The following ZFHX3 variants were observed in gnomAD, a reference collection of about 807,000 sequenced individuals.
ZFHX3 encodes the protein zinc finger homeobox protein 3.
ZFHX3 carries 42 observed loss-of-function variants against 279.1 expected under a neutral mutation model. The observed-to-expected ratio is 0.15, with a 90% CI of 0.12 to 0.19. The LOEUF is 0.19. ZFHX3 is among the 10% of genes least tolerant of loss of function. The pLI, the probability that ZFHX3 is intolerant of heterozygous loss-of-function variation, is 1.00. For missense variants in ZFHX3, 4,981 were observed against 4,754.0 expected, an observed-to-expected ratio of 1.05 and a Z score of -1.40; for synonymous variants, 2,293 against 1,957.8, an observed-to-expected ratio of 1.17 and a Z score of -4.52.
intron 3 of ZFHX3, among the ~76,000 whole-genome samples, chr16:73,339,051 G>C (rs1354347785): frequency 6.6e-6 from 1 of 152,184 alleles, no homozygotes; most frequent in African/African-American, 2.4e-5. Context: ...TTCATGTACA[G>C]CCTGCAGAAC....
chr16:73,621,684 A>C (rs568125091), intron 2 of ZFHX3, among the ~76,000 whole-genome samples: 40 of 152,332 alleles, frequency 2.6e-4, no homozygotes, highest in Non-Finnish European at 5.1e-4. Context: ...AGGAGTCTGC[A>C]TAATTCTCAA....
At chr16:73,078,940 G>A (rs140504661) in intron 8 of ZFHX3, among the ~76,000 whole-genome samples, 6 of 152,124 alleles carry the variant, frequency 3.9e-5, no homozygotes, top group East Asian at 1.9e-4. Context: ...CACCGCGCCC[G>A]GCCCCTTTGT....
chr16:73,308,224 C>CATATATATATAT (rs56199536), intron 4 of ZFHX3, among the ~76,000 whole-genome samples: 4 of 108,692 alleles, frequency 3.7e-5, no homozygotes, highest in African/African-American at 8.2e-5. Context: ...CATATGCATG[C>CATATATATATAT]ATATATATAT....
intron 3 of ZFHX3, among the ~76,000 whole-genome samples, chr16:73,406,198 C>T (rs1597322159): frequency 6.6e-6 from 1 of 152,234 alleles, no homozygotes; most frequent in Non-Finnish European, 1.5e-5. Flanking sequence ...ATGTTGGCAC[C>T]AGGAGCTGTT....
intron 4 of ZFHX3, among the ~76,000 whole-genome samples, chr16:73,299,185 A>G (rs1169702004): frequency 1.3e-5 from 2 of 152,214 alleles, no homozygotes; most frequent in Non-Finnish European, 2.9e-5. Flanking sequence ...AGTACAATCT[A>G]TACATTTGAA....
At chr16:73,251,777 ACAAACGCACACAC>A in intron 5 of ZFHX3, among the ~76,000 whole-genome samples, 1 of 145,806 alleles carries the variant, frequency 6.9e-6, no homozygotes, top group African/African-American at 2.5e-5. Context: ...CACCATGCAC[ACAAACGCACACAC>A]CATGCACACA....
intron 2 of ZFHX3, among the ~76,000 whole-genome samples, chr16:73,542,459 C>T (rs184146795): frequency 1.4e-4 from 21 of 152,178 alleles, no homozygotes; most frequent in Non-Finnish European, 2.2e-4. Context: ...GGAGTTTATA[C>T]GTCCAGGTGG....
In ZFHX3 at chr16:73,293,547, T is replaced by G. The variant is rs926533935; in HGVS notation, c.-1194+24693A>C. 3.3e-5 allele frequency among the ~76,000 whole-genome samples: 5 copies of G among 152,286 alleles called. No homozygotes were observed. In the East Asian group the frequency reaches 9.6e-4, roughly 29 times the overall value. Reference sequence around the variant, plus strand: ...TTCTGCTATTGGTGCATGAAGACAATAGTGAGAAGATTCCCCCATGGATCT... The same window carrying G: ...TTCTGCTATTGGTGCATGAAGACAAGAGTGAGAAGATTCCCCCATGGATCT... On this transcript the variant is annotated intron_variant, in intron 4 of 17. Coordinates refer to the ZFHX3 transcript ENST00000641206.
intron 3 of ZFHX3, among the ~76,000 whole-genome samples, chr16:72,937,319 CA>C (rs1158993923): frequency 1.3e-5 from 2 of 152,106 alleles, no homozygotes; most frequent in African/African-American, 4.8e-5. Flanking sequence ...AGCCTGGGGG[CA>C]TAATAACACT....
intron 3 of ZFHX3, among the ~76,000 whole-genome samples, chr16:72,898,311 T>C (rs1268845461): frequency 1.3e-5 from 2 of 152,164 alleles, no homozygotes; most frequent in African/African-American, 2.4e-5. Flanking sequence ...ATCAATCCAT[T>C]TGGGTTGCTC....
chr16:73,848,517 C>T (rs1274229214), intron 1 of ZFHX3, among the ~76,000 whole-genome samples: 1 of 152,140 alleles, frequency 6.6e-6, no homozygotes, highest in African/African-American at 2.4e-5. Context: ...GTTTAAGAAA[C>T]TCTCAAGGCC....
At chr16:73,417,116 C>T (rs1243204442) in intron 3 of ZFHX3, among the ~76,000 whole-genome samples, 1 of 152,012 alleles carries the variant, frequency 6.6e-6, no homozygotes, top group Admixed American at 6.6e-5. Context: ...AAAACATACG[C>T]ATGTCTTCGA....
rs557708793 is a variant in ZFHX3, at chr16:73,464,962, C to T, written c.-1546-8704G>A. Among the ~76,000 whole-genome samples, 28 of 152,198 alleles carry T rather than the reference C, an allele frequency of 1.8e-4. 1 individual carries two copies. Among genetic ancestry groups the T allele is most frequent in the Admixed American group, 1.3e-3 (20 of 15,304 alleles). ...ATCACAGGGGCCCACCAAGGCTGGG[C>T]GGGAGGGGAGAGCCTCGCCTTCACA... On this transcript the variant is annotated intron_variant, in intron 2 of 17. Coordinates refer to the ZFHX3 transcript ENST00000641206.
intron 1 of ZFHX3, among the ~76,000 whole-genome samples, chr16:73,715,142 G>C (rs1482505155): frequency 6.6e-6 from 1 of 152,020 alleles, no homozygotes; most frequent in Non-Finnish European, 1.5e-5. Context: ...GATGGTTCTC[G>C]GCTAAAATTC....
At chr16:73,756,323 G>A (rs1879566770) in intron 1 of ZFHX3, among the ~76,000 whole-genome samples, 2 of 152,150 alleles carry the variant, frequency 1.3e-5, no homozygotes, top group South Asian at 4.1e-4. Flanking sequence ...AGTATAATCT[G>A]ATAGGCCTAA....
rs114469543 is a variant in ZFHX3 at position 73,800,123 on chromosome 16, A to G, written c.-1608+91528T>C. On this transcript the variant is annotated intron_variant, in intron 1 of 17. Coordinates refer to the ZFHX3 transcript ENST00000641206. Reference sequence around the variant, plus strand: ...ACTTCTATAGAAATCATCTACAAACATGAGGATATTACAACCTCATAAGCC... The same window carrying G: ...ACTTCTATAGAAATCATCTACAAACGTGAGGATATTACAACCTCATAAGCC... Among the ~76,000 whole-genome samples, 1,479 of 152,322 alleles carry G rather than the reference A, an allele frequency of 9.7e-3. 21 individuals carry two copies. Among genetic ancestry groups the G allele is most frequent in the African/African-American group, 0.034 (1,402 of 41,576 alleles).
At chr16:73,609,300 G>A (rs971053994) in intron 2 of ZFHX3, 2 of 152,116 alleles carry the variant, frequency 1.3e-5, no homozygotes, top group African/African-American at 2.4e-5. Flanking sequence ...GAATGTGCAC[G>A]TATCACTCAC....
chr16:73,816,603 C>G (rs1278913921), intron 1 of ZFHX3, among the ~76,000 whole-genome samples: 2 of 148,988 alleles, frequency 1.3e-5, no homozygotes, highest in African/African-American at 5.0e-5. Flanking sequence ...CCAAAAAAGG[C>G]TGAACAAAGA....
chr16:72,992,555 G>T (rs1231457918), intron 1 of ZFHX3, among the ~76,000 whole-genome samples: 1 of 152,078 alleles, frequency 6.6e-6, no homozygotes, highest in Non-Finnish European at 1.5e-5. Flanking sequence ...GCCTCCTAGG[G>T]ATCCCAACCC....
Sources: allele counts gnomAD v4.1 joint callset (sites outside exome capture counted in the v4.1 genomes callset), GRCh38; gene constraint gnomAD v4.1.1; transcripts MANE v1.5; gene names NCBI Gene and HGNC (gene_info 2026-07-23, HGNC 2026-07-21).